KATNAL1: variants seen among roughly 807,000 people sequenced by gnomAD.
The protein encoded by KATNAL1 is katanin catalytic subunit A1 like 1.
A neutral mutation model predicts 55.2 loss-of-function variants in KATNAL1; 32 were observed. The ratio of observed to expected loss-of-function variants is 0.58; its 90% CI spans 0.44 to 0.78. KATNAL1 has a LOEUF of 0.78. KATNAL1 is among the 30% of genes least tolerant of loss of function. KATNAL1 has a pLI of 0.00. For missense variants in KATNAL1, 466 were observed against 600.9 expected, an observed-to-expected ratio of 0.78 and a Z score of 2.35; for synonymous variants, 193 against 193.6, an observed-to-expected ratio of 1.00 and a Z score of 0.02.
At position 30,283,709 on chromosome 13, in the gene KATNAL1, G is replaced by A. The variant is rs748953134; in HGVS notation, c.69C>T (p.Asp23=). ...GREYALLGNY[D]SSMVYYQGVM... ...CCCCCTGGTAATATACCATTGATGA[G>A]TCGTAATTTCCAAGAAGGGCATATT... Residue 23 remains aspartate (D), a synonymous_variant, in exon 2 of 11, where the codon GAC becomes GAT. Transcript: ENST00000380615. 2 of 1,613,804 alleles carry A rather than the reference G, an allele frequency of 1.2e-6. No homozygotes were observed. Among genetic ancestry groups the A allele is most frequent in the Non-Finnish European group, 1.7e-6 (2 of 1,179,830 alleles).
In KATNAL1 at chr13:30,280,095, A is replaced by T; in HGVS notation, c.291T>A (p.Ala97=). Residue 97 remains alanine (A), a synonymous_variant, in exon 3 of 11, where the codon GCT becomes GCA. Coordinates refer to ENST00000380615, the MANE Select transcript of KATNAL1 (RefSeq NM_032116.5). ...CTGCAGGAACAGGGGGTGGCCAAACAGCAGGATCTCTAAATGGTTCATCTT... is the reference window on the plus strand; with the variant it reads ...CTGCAGGAACAGGGGGTGGCCAAACTGCAGGATCTCTAAATGGTTCATCTT... The part of the protein sequence containing the change: ...SCQDEPFRDP[A]VWPPPVPAEH... 1.9e-6 allele frequency: 3 copies of T among 1,612,744 alleles called. No individual in the cohort carries two copies. Among genetic ancestry groups the T allele is most frequent in the Non-Finnish European group, 2.5e-6 (3 of 1,179,552 alleles).
Position 30,208,744 on chromosome 13 carries a change from A to C in KATNAL1, c.1275-6T>G, listed in dbSNP as rs763368641. ...TTGCCATTAAAGAGGCATCCCTAAAAATATACCAAAATCAGTCAACAGTAA... is the reference window on the plus strand; with the variant it reads ...TTGCCATTAAAGAGGCATCCCTAAACATATACCAAAATCAGTCAACAGTAA... On this transcript the variant is annotated splice_polypyrimidine_tract_variant and splice_region_variant and intron_variant, in intron 10 of 10. Coordinates refer to ENST00000380615, the MANE Select transcript of KATNAL1 (RefSeq NM_032116.5). 1 of 1,587,518 alleles carries C rather than the reference A, an allele frequency of 6.3e-7. No homozygotes were observed. Among genetic ancestry groups the C allele is most frequent in the African/African-American group, 1.3e-5 (1 of 74,440 alleles).
intron 4 of KATNAL1, among the ~76,000 whole-genome samples, chr13:30,251,019 TC>T (rs1846175950): frequency 6.6e-6 from 1 of 151,198 alleles, no homozygotes; most frequent in Admixed American, 6.6e-5. Flanking sequence ...CCGCCTGTAG[TC>T]CCAGCTACTC....
At chr13:30,239,179 G>A (rs1008710302) in intron 6 of KATNAL1, among the ~76,000 whole-genome samples, 18 of 152,172 alleles carry the variant, frequency 1.2e-4, no homozygotes, top group Admixed American at 6.5e-4. Flanking sequence ...GGAGACCAAG[G>A]TGGGAGGTTC....
At chr13:30,247,797 A>T (rs1179202972) in intron 4 of KATNAL1, among the ~76,000 whole-genome samples, 2 of 152,176 alleles carry the variant, frequency 1.3e-5, no homozygotes, top group African/African-American at 4.8e-5. Flanking sequence ...ACACAATCTG[A>T]CCTATATTTA....
In KATNAL1 at chr13:30,204,610, A is replaced by G. The variant is rs1455670456; in HGVS notation, c.*3930T>C. ...TCAACAGAGTCAGGCTATACAAAAC[A>G]AAGTCAAAGAATGACAATCATACTG... On this transcript the variant is annotated 3_prime_UTR_variant, in exon 11 of 11. Coordinates refer to ENST00000380615, the MANE Select transcript of KATNAL1 (RefSeq NM_032116.5). The G allele has an allele frequency of 6.6e-6, 1 of 152,250 alleles. No homozygotes were observed. The highest frequency in any genetic ancestry group is 2.4e-5 in the African/African-American group (1 of 41,474). 9.4% of individuals were successfully genotyped at this position (152,250 alleles called of 1,614,324 possible). A position where few individuals can be genotyped will look rare whatever the true frequency, so the allele number is the denominator to read the frequency against.
intron 6 of KATNAL1, among the ~76,000 whole-genome samples, chr13:30,232,834 A>G (rs1197354345): frequency 2.6e-5 from 4 of 152,162 alleles, no homozygotes; most frequent in African/African-American, 9.7e-5. Context: ...GCCACATTAC[A>G]AAAATCCCTT....
chr13:30,295,840 T>C (rs571313375), intron 1 of KATNAL1, among the ~76,000 whole-genome samples: 2 of 152,270 alleles, frequency 1.3e-5, no homozygotes, highest in South Asian at 4.1e-4. Context: ...AACAGTATAA[T>C]TGCATGCTAT....
chr13:30,235,276 T>C (rs1876541374), intron 6 of KATNAL1, among the ~76,000 whole-genome samples: 1 of 152,254 alleles, frequency 6.6e-6, no homozygotes, highest in Non-Finnish European at 1.5e-5. Context: ...CTTCTAGTGA[T>C]GGCCTCATGC....
intron 3 of KATNAL1, among the ~76,000 whole-genome samples, chr13:30,268,212 G>A (rs1040854723): frequency 5.3e-5 from 8 of 152,168 alleles, no homozygotes; most frequent in African/African-American, 1.9e-4. Context: ...TGTCTCAGGA[G>A]TGACAACTTC....
chr13:30,276,575 G>T (rs1880862989), intron 3 of KATNAL1, among the ~76,000 whole-genome samples: 1 of 150,514 alleles, frequency 6.6e-6, no homozygotes, highest in Non-Finnish European at 1.5e-5. Context: ...TTTTCCTATT[G>T]ACTTAAATTG....
rs145604621 is a variant in KATNAL1 at position 30,233,116 on chromosome 13, T to C, written c.727-1644A>G. On this transcript the variant is annotated intron_variant, in intron 6 of 10. Transcript: ENST00000380615. ...GGCAACCAAAGCAAAAACAGATAAA[T>C]AGATTATATCAAACTAAAAAGCTTC... Among the ~76,000 whole-genome samples, 280 of 151,978 alleles carry C rather than the reference T, an allele frequency of 1.8e-3. 1 individual carries two copies. The highest frequency in any genetic ancestry group is 6.0e-3 in the African/African-American group (250 of 41,464).
At chr13:30,249,574 A>G (rs1377429984) in intron 4 of KATNAL1, among the ~76,000 whole-genome samples, 1 of 152,240 alleles carries the variant, frequency 6.6e-6, no homozygotes, top group African/African-American at 2.4e-5. Flanking sequence ...CTACAAATAT[A>G]TACAACACCA....
chr13:30,280,695 T>C (rs1234498856), intron 2 of KATNAL1, among the ~76,000 whole-genome samples: 1 of 152,206 alleles, frequency 6.6e-6, no homozygotes, highest in Admixed American at 6.5e-5. Flanking sequence ...AGCAGTATTA[T>C]ACTATGAATT....
chr13:30,288,782 T>C (rs961925116), intron 1 of KATNAL1, among the ~76,000 whole-genome samples: 2 of 152,212 alleles, frequency 1.3e-5, no homozygotes, highest in South Asian at 2.1e-4. Context: ...AACCATCAAA[T>C]TGCTGTACAG....
chr13:30,217,468 T>A (rs936895582), intron 9 of KATNAL1, among the ~76,000 whole-genome samples: 8 of 152,108 alleles, frequency 5.3e-5, no homozygotes, highest in African/African-American at 1.9e-4. Context: ...AAAAACTGAA[T>A]TGATATTCAA....
chr13:30,272,952 C>G (rs908674251), intron 3 of KATNAL1, among the ~76,000 whole-genome samples: 2 of 152,174 alleles, frequency 1.3e-5, no homozygotes, highest in Non-Finnish European at 2.9e-5. Context: ...TATCTGCCCA[C>G]CTCTCTACAA....
intron 9 of KATNAL1, among the ~76,000 whole-genome samples, chr13:30,218,810 G>A (rs1289780853): frequency 2.0e-5 from 3 of 152,068 alleles, no homozygotes; most frequent in African/African-American, 7.2e-5. Flanking sequence ...AGGATCCCAG[G>A]CCCCAGCTGT....
chr13:30,210,429 A>G lies in KATNAL1; in HGVS notation c.1161T>C (p.Ala387=), dbSNP rs11617724. The G allele has an allele frequency of 0.038, 61,046 of 1,600,342 alleles. 1,507 individuals carry two copies. The highest frequency in any genetic ancestry group is 0.11 in the African/African-American group (8,437 of 73,864). Residue 387 remains alanine, a synonymous_variant, in exon 10 of 11, where the codon GCT becomes GCC. Transcript: ENST00000380615. ...CACGAAGGTTGATCTTCAGAAGCTC[A>G]GCTCTTCCTTTTGCTGTTACAAGAT... ...YIPLPTAKGR[A]ELLKINLREV...
Sources: gnomAD v4.1 joint callset for allele counts (sites outside exome capture counted in the v4.1 genomes callset) on GRCh38, gnomAD v4.1.1 for gene constraint, MANE v1.5 for transcripts, NCBI Gene and HGNC (gene_info 2026-07-23, HGNC 2026-07-21) for gene names.